YIPF1: variants seen among roughly 807,000 people sequenced by gnomAD.
YIPF1 encodes Yip1 domain family member 1.
Under a neutral mutation model 37.0 loss-of-function variants are expected in YIPF1, and 22 were observed. The observed-to-expected ratio is 0.59, with a 90% CI of 0.42 to 0.85. The LOEUF is 0.85. YIPF1 is among the 40% of genes least tolerant of loss of function. The pLI is 0.00. For missense variants in YIPF1, 355 were observed against 373.1 expected (o/e 0.95, Z 0.40); for synonymous variants, 128 against 131.9 (o/e 0.97, Z 0.21).
chr1:53,871,550 C>A, intron 6 of YIPF1, 62 bp from the exon 7 acceptor site: 1 of 1,306,070 alleles, frequency 7.7e-7, no homozygotes, highest in Non-Finnish European at 1.1e-6. Flanking sequence ...TAGATTCTTA[C>A]AGAATTTCTT....
chr1:53,888,085 G>A (rs1246537554), intron 3 of YIPF1, among the ~76,000 whole-genome samples: 2 of 152,300 alleles, frequency 1.3e-5, no homozygotes, highest in South Asian at 4.1e-4. Flanking sequence ...AATTAGTCGG[G>A]TGTGGTGACG....
intron 8 of YIPF1, 39 bp from the exon 9 acceptor site, chr1:53,866,421 AG>A (rs1379783243): frequency 3.1e-6 from 5 of 1,600,142 alleles, no homozygotes; most frequent in Non-Finnish European, 3.4e-6. Context: ...AGTTCTTGGG[AG>A]GCATTTGTTC....
In YIPF1 at chr1:53,866,933, G is replaced by A. The variant is rs1650044012; in HGVS notation, c.482-9C>T. The A allele has an allele frequency of 1.2e-6, 2 of 1,602,966 alleles. No individual in the cohort carries two copies. Among genetic ancestry groups the A allele is most frequent in the Non-Finnish European group, 1.7e-6 (2 of 1,175,492 alleles). ...GGTAGCTGCTATGGACACTGAGGAT[G>A]ACAGGACACAAGTTTCAATCTCCAT... is the stretch of plus-strand genomic sequence containing the variant. On this transcript the variant is annotated splice_polypyrimidine_tract_variant and intron_variant, in intron 7 of 10. Coordinates refer to ENST00000072644, the MANE Select transcript of YIPF1 (RefSeq NM_018982.5).
At chr1:53,870,160 C>CTCTCTTTTTTTT (rs1557605849) in intron 7 of YIPF1, among the ~76,000 whole-genome samples, 1 of 91,196 alleles carries the variant, frequency 1.1e-5, no homozygotes, top group African/African-American at 4.4e-5. Flanking sequence ...CACCGGGTCT[C>CTCTCTTTTTTTT]TTTTTTTTTT....
chr1:53,878,149 A>G (rs1260906464), intron 6 of YIPF1, among the ~76,000 whole-genome samples, 166 bp downstream of exon 6: 1 of 152,218 alleles, frequency 6.6e-6, no homozygotes, highest in East Asian at 1.9e-4. Flanking sequence ...ATAACACATA[A>G]TTGTATTCCT....
chr1:53,867,367 CT>C (rs57424528), intron 7 of YIPF1, among the ~76,000 whole-genome samples: 10,690 of 111,546 alleles, frequency 0.096, 160 homozygotes, highest in Non-Finnish European at 0.12. Context: ...CACTGACTTC[CT>C]TTTTTTTTTT....
chr1:53,869,160 T>TCTCTCTCTCTCA (rs911930860), intron 7 of YIPF1, among the ~76,000 whole-genome samples: 13 of 138,054 alleles, frequency 9.4e-5, no homozygotes, highest in African/African-American at 3.4e-4. Flanking sequence ...TCTCTCTCTC[T>TCTCTCTCTCTCA]CACACACACA....
chr1:53,889,186 A>C, intron 2 of YIPF1, 58 bp downstream of exon 2: 1 of 409,242 alleles, frequency 2.4e-6, no homozygotes. Context: ...CGGGGATCCA[A>C]AGGTTCCAAT....
intron 9 of YIPF1, among the ~76,000 whole-genome samples, chr1:53,864,255 A>G (rs1649962060): frequency 6.6e-6 from 1 of 152,214 alleles, no homozygotes; most frequent in South Asian, 2.1e-4. Context: ...AGTTGGTCAC[A>G]ATGAAAAGGA....
chr1:53,873,229 C>A (rs772327174), intron 6 of YIPF1, among the ~76,000 whole-genome samples: 2 of 152,246 alleles, frequency 1.3e-5, no homozygotes, highest in Non-Finnish European at 2.9e-5. Context: ...AATATCTAAT[C>A]TCAGAAGGTA....
At position 53,866,329 on chromosome 1, in the gene YIPF1, G is replaced by A. The variant is rs1022088595; in HGVS notation, c.702C>T (p.Ala234=). ...CCAAGAGAGATCCTGAGATGCCCAG[G>A]GCAATCATGACTAGAATCCAACGAA... ...KAVRWILVMI[A]LGISGSLLAM... The change falls in exon 9 of 11, where the codon GCC becomes GCT. Residue 234 remains alanine (A), a synonymous_variant. Transcript: ENST00000072644. 3.7e-6 allele frequency: 6 copies of A among 1,613,984 alleles called. No homozygotes were observed. The highest frequency in any genetic ancestry group is 5.1e-6 in the Non-Finnish European group (6 of 1,180,016).
intron 6 of YIPF1, among the ~76,000 whole-genome samples, chr1:53,871,789 C>T (rs948148024): frequency 5.9e-5 from 9 of 151,998 alleles, no homozygotes; most frequent in South Asian, 2.1e-4. Flanking sequence ...GGATCACCAC[C>T]GACAAAGAAA....
intron 7 of YIPF1, among the ~76,000 whole-genome samples, chr1:53,870,293 C>G (rs1209299488): frequency 6.6e-6 from 1 of 150,566 alleles, no homozygotes; most frequent in Non-Finnish European, 1.5e-5. Context: ...AACTCAGCCT[C>G]CTGAGTAGCT....
chr1:53,860,730 G>C (rs1649848819), intron 9 of YIPF1, among the ~76,000 whole-genome samples: 1 of 152,174 alleles, frequency 6.6e-6, no homozygotes, highest in African/African-American at 2.4e-5. Flanking sequence ...AGAGTGCTAG[G>C]CATGCTTTCC....
intron 6 of YIPF1, among the ~76,000 whole-genome samples, chr1:53,876,762 G>T (rs1650346389): frequency 6.6e-6 from 1 of 152,166 alleles, no homozygotes; most frequent in South Asian, 2.1e-4. Flanking sequence ...CATGAAGTTG[G>T]ATCTGGCATA....
intron 10 of YIPF1, among the ~76,000 whole-genome samples, chr1:53,852,950 G>A (rs747176034): frequency 2.0e-5 from 3 of 152,098 alleles, no homozygotes; most frequent in African/African-American, 4.8e-5. Context: ...TGAAATGATC[G>A]GTCCTGAACA....
intron 2 of YIPF1, 60 bp from the exon 3 acceptor site, chr1:53,889,046 T>A (rs1055265574): frequency 1.1e-6 from 1 of 887,372 alleles, no homozygotes; most frequent in Non-Finnish European, 1.8e-6. Context: ...TGCAAACAAC[T>A]CTTATGTATT....
rs1161841672 is a variant in YIPF1, at chr1:53,852,168, G to C, written c.*111C>G. The C allele has an allele frequency of 6.6e-6, 1 of 152,174 alleles. No homozygotes were observed. Among genetic ancestry groups the C allele is most frequent in the Non-Finnish European group, 1.5e-5 (1 of 68,032 alleles). 9.4% of individuals were successfully genotyped at this position (152,174 alleles called of 1,614,324 possible). A position where few individuals can be genotyped will look rare whatever the true frequency, so the allele number is the denominator to read the frequency against. On this transcript the variant is annotated 3_prime_UTR_variant, in exon 11 of 11. Coordinates refer to ENST00000072644, the MANE Select transcript of YIPF1 (RefSeq NM_018982.5). The stretch of plus-strand genomic sequence containing the variant: ...GCCAGTGTGGCACCATCCAGACACT[G>C]GGAATTTGTGCCACTCCATCAGTTC...
intron 3 of YIPF1, among the ~76,000 whole-genome samples, chr1:53,888,166 C>A (rs1338785764): frequency 6.6e-6 from 1 of 152,152 alleles, no homozygotes; most frequent in African/African-American, 2.4e-5. Context: ...GCAGAGGTTG[C>A]AGCAAGCCAA....
Sources: gnomAD v4.1 joint callset for allele counts (sites outside exome capture counted in the v4.1 genomes callset) on GRCh38, gnomAD v4.1.1 for gene constraint, MANE v1.5 for transcripts, NCBI Gene and HGNC (gene_info 2026-07-23, HGNC 2026-07-21) for gene names.